UBE4B: variants seen among roughly 807,000 people sequenced by gnomAD.
The protein encoded by UBE4B is ubiquitination factor E4B.
UBE4B carries 27 observed loss-of-function variants against 148.1 expected under a neutral mutation model. That is an observed-to-expected ratio of 0.18 (90% confidence interval 0.13 to 0.25). UBE4B has a LOEUF of 0.25. UBE4B is among the 10% of genes least tolerant of loss of function. The pLI, the probability that UBE4B is intolerant of heterozygous loss-of-function variation, is 1.00. For missense variants in UBE4B, 1,170 were observed against 1,662.4 expected (o/e 0.70, Z 5.15); for synonymous variants, 596 against 619.3 (o/e 0.96, Z 0.56).
At chr1:10,042,299 T>C (rs895939382) in intron 1 of UBE4B, among the ~76,000 whole-genome samples, 4 of 152,178 alleles carry the variant, frequency 2.6e-5, no homozygotes, top group African/African-American at 4.8e-5. Context: ...GCTGCATCCC[T>C]GATAACAGAC....
chr1:10,121,286 C>T (rs549109496), intron 9 of UBE4B, among the ~76,000 whole-genome samples: 9 of 151,586 alleles, frequency 5.9e-5, no homozygotes, highest in African/African-American at 1.2e-4. Context: ...ACCCGGGAGG[C>T]GGAGGTTGCA....
At chr1:10,071,991 ATTAG>A (rs1644494315) in intron 1 of UBE4B, 33 bp from the exon 2 acceptor site, 2 of 1,515,450 alleles carry the variant, frequency 1.3e-6, no homozygotes, top group African/African-American at 1.4e-5. Context: ...GTTTCTGCTG[ATTAG>A]TTATAGAATG....
At chr1:10,111,658 G>A (rs1645223945) in intron 7 of UBE4B, among the ~76,000 whole-genome samples, 3 of 152,084 alleles carry the variant, frequency 2.0e-5, no homozygotes, top group Admixed American at 2.0e-4. Flanking sequence ...ACTTTGCCTT[G>A]CTATTAGAAA....
intron 22 of UBE4B, among the ~76,000 whole-genome samples, chr1:10,159,399 G>A (rs1302829953): frequency 2.0e-5 from 3 of 152,206 alleles, no homozygotes; most frequent in South Asian, 2.1e-4. Context: ...AGGGCCGGGC[G>A]TGGTGGCTCA....
chr1:10,043,064 C>T (rs1157337837), intron 1 of UBE4B, among the ~76,000 whole-genome samples: 1 of 151,270 alleles, frequency 6.6e-6, no homozygotes, highest in Non-Finnish European at 1.5e-5. Flanking sequence ...GGCTGGACTG[C>T]AGTGGCTCAA....
intron 1 of UBE4B, among the ~76,000 whole-genome samples, chr1:10,047,225 A>G (rs1643930764): frequency 6.6e-6 from 1 of 152,214 alleles, no homozygotes; most frequent in Non-Finnish European, 1.5e-5. Context: ...GTCGGAAATA[A>G]TAATGGCTTG....
chr1:10,163,083 G>C (rs1646191691), intron 23 of UBE4B, among the ~76,000 whole-genome samples: 1 of 152,050 alleles, frequency 6.6e-6, no homozygotes, highest in Non-Finnish European at 1.5e-5. Flanking sequence ...AATAAAGACA[G>C]AGTGTTGATC....
chr1:10,049,892 CAAAAAAA>C (rs776583824), intron 1 of UBE4B, among the ~76,000 whole-genome samples: 1 of 85,168 alleles, frequency 1.2e-5, no homozygotes, highest in Non-Finnish European at 2.5e-5. Flanking sequence ...GACCCTGTCT[CAAAAAAA>C]AAAAAAAAAA....
intron 7 of UBE4B, among the ~76,000 whole-genome samples, chr1:10,113,508 C>T (rs1047490508): frequency 2.6e-5 from 4 of 152,222 alleles, no homozygotes; most frequent in East Asian, 1.9e-4. Context: ...GAAAAGCAAT[C>T]GTCTACATAG....
At chr1:10,163,522 G>T (rs1304430009) in intron 23 of UBE4B, 1 of 151,974 alleles carries the variant, frequency 6.6e-6, no homozygotes, top group Non-Finnish European at 1.5e-5. Context: ...ACAAAAATTA[G>T]CTGGGTGTGG....
intron 9 of UBE4B, among the ~76,000 whole-genome samples, chr1:10,121,471 A>G (rs779662476): frequency 6.6e-6 from 1 of 152,160 alleles, no homozygotes; most frequent in Non-Finnish European, 1.5e-5. Flanking sequence ...AGTGCTCACT[A>G]TAACCTCAAA....
Position 10,122,037 on chromosome 1 carries a change from G to A in UBE4B, c.1515G>A (p.Leu505=). ...TCCCATATGGCTTCATTCAGGAACT[G>A]GTGAGAACCACTCACCAGGATGAAG... ...RNLPYGFIQE[L]VRTTHQDEEV... Residue 505 remains leucine (L), a synonymous_variant, in exon 10 of 28, where the codon CTG becomes CTA. Coordinates refer to ENST00000343090, the MANE Select transcript of UBE4B (RefSeq NM_001105562.3). 1 of 1,613,736 alleles carries A rather than the reference G, an allele frequency of 6.2e-7. No homozygotes were observed. The highest frequency in any genetic ancestry group is 8.5e-7 in the Non-Finnish European group (1 of 1,179,862).
Position 10,137,128 on chromosome 1 carries a change from G to A in UBE4B, c.2286G>A (p.Leu762=). Residue 762 remains leucine, a synonymous_variant, in exon 17 of 28, where the codon CTG becomes CTA. Transcript: ENST00000343090. ...CTACGGAGTGCTTCTTTCTCACCCTGCATGCTCACCACCTCTCTATTCTGC... is the reference window on the plus strand; with the variant it reads ...CTACGGAGTGCTTCTTTCTCACCCTACATGCTCACCACCTCTCTATTCTGC... ...KFPTECFFLT[L]HAHHLSILPS... The A allele has an allele frequency of 6.2e-7, 1 of 1,614,088 alleles. No individual in the cohort carries two copies. Among genetic ancestry groups the A allele is most frequent in the Non-Finnish European group, 8.5e-7 (1 of 1,180,024 alleles).
intron 2 of UBE4B, among the ~76,000 whole-genome samples, chr1:10,076,741 CTTTTTTTTTTTT>C (rs61563451): frequency 1.6e-4 from 17 of 105,866 alleles, no homozygotes; most frequent in Admixed American, 1.1e-3. Flanking sequence ...CAGTCCCAGC[CTTTTTTTTTTTT>C]TTTTTTTTTT....
rs752979773 is a variant in UBE4B, at chr1:10,117,476, G to T, written c.1214G>T (p.Gly405Val). ...CTCTGAAGTTTGGGAGCCTCTGGTG[G>T]AGCAAGTAATTGGGATTCCTACAGT... Reference protein sequence around the residue: ...RISPSLGASGGASNWDSYSDH... With the variant: ...RISPSLGASGVASNWDSYSDH... The change falls in exon 8 of 28, where the codon GGA (glycine) becomes GTA (valine). Residue 405 changes from glycine to valine, a missense_variant. Transcript: ENST00000343090. The T allele has an allele frequency of 6.2e-7, 1 of 1,610,860 alleles. No homozygotes were observed. Among genetic ancestry groups the T allele is most frequent in the Non-Finnish European group, 8.5e-7 (1 of 1,179,218 alleles).
intron 5 of UBE4B, among the ~76,000 whole-genome samples, chr1:10,105,211 T>G (rs1432957792): frequency 6.6e-6 from 1 of 152,232 alleles, no homozygotes; most frequent in Non-Finnish European, 1.5e-5. Context: ...ACCCCAACTT[T>G]CTTTTTAATA....
chr1:10,177,990 G>A (rs572726934), intron 25 of UBE4B, among the ~76,000 whole-genome samples: 2 of 151,426 alleles, frequency 1.3e-5, no homozygotes, highest in Non-Finnish European at 1.5e-5. Context: ...TCCACGGTGG[G>A]CGCCTGACCT....
At chr1:10,149,761 C>T (rs936921976) in intron 20 of UBE4B, among the ~76,000 whole-genome samples, 5 of 151,622 alleles carry the variant, frequency 3.3e-5, no homozygotes, top group Non-Finnish European at 5.9e-5. Flanking sequence ...CATTTTATTT[C>T]TAAAACATTA....
chr1:10,174,250 C>T (rs1000574826), intron 25 of UBE4B, among the ~76,000 whole-genome samples: 4 of 151,720 alleles, frequency 2.6e-5, no homozygotes, highest in East Asian at 3.9e-4. Flanking sequence ...AAAAATTAGC[C>T]GGGCACAGTG....
Sources: gnomAD v4.1 joint callset for allele counts (sites outside exome capture counted in the v4.1 genomes callset) on GRCh38, gnomAD v4.1.1 for gene constraint, MANE v1.5 for transcripts, NCBI Gene and HGNC (gene_info 2026-07-23, HGNC 2026-07-21) for gene names.